CHD7: variants seen among roughly 807,000 people sequenced by gnomAD.
CHD7 encodes the protein chromodomain helicase DNA binding protein 7.
Under a neutral mutation model 307.3 loss-of-function variants are expected in CHD7, and 24 were observed. The ratio of observed to expected loss-of-function variants is 0.08; its 90% CI spans 0.06 to 0.11. The LOEUF (loss-of-function observed/expected upper bound fraction) is 0.11. Among genes scored for constraint, CHD7 ranks in the 10% least tolerant of loss-of-function variants. CHD7 has a pLI of 1.00. For missense variants in CHD7, 3,106 were observed against 3,727.1 expected, an observed-to-expected ratio of 0.83 and a Z score of 4.34; for synonymous variants, 1,363 against 1,349.9, an observed-to-expected ratio of 1.01 and a Z score of -0.21.
Position 60,742,246 on chromosome 8 carries a change from A to C in CHD7, c.814A>C (p.Ser272Arg). 6.2e-7 allele frequency: 1 copy of C among 1,613,870 alleles called. No homozygotes were observed. The highest frequency in any genetic ancestry group is 8.5e-7 in the Non-Finnish European group (1 of 1,179,856). Residue 272 changes from serine to arginine, a missense_variant, in exon 2 of 38, where the codon AGT (serine) becomes CGT (arginine). By Grantham distance (110) the Ser-to-Arg change is moderately radical. Around this residue, in one of 10 missense-constraint regions of CHD7, gnomAD observed 998 missense variants for 1,004.5 expected, o/e 0.99. Coordinates refer to ENST00000423902, the MANE Select transcript of CHD7 (RefSeq NM_017780.4). ...TCTCCATGGAGAATCCGTTGCCCAC[A>C]GTCCCAGATTCTCCCCGAATCCTCC... The part of the protein sequence containing the change: ...TALHGESVAH[S>R]PRFSPNPPQQ...
In CHD7 at chr8:60,856,835, G is replaced by A. The variant is rs1805740809; in HGVS notation, c.7555G>A (p.Val2519Met). Residue 2519 changes from valine to methionine, a missense_variant, in exon 34 of 38, where the codon GTG becomes ATG. This residue lies in a region of CHD7 where 1,030 missense variants were observed against 1,165.4 expected (regional missense o/e 0.88). Transcript: ENST00000423902. ...GAGGAGGCGGGGAAGGAGGAAAAAT[G>A]TGGAGGGACTTGATCTGCTTTTCAT... ...MKRRRGRRKNVEGLDLLFMSH... is the reference protein window; with the variant it reads ...MKRRRGRRKNMEGLDLLFMSH... 6.3e-7 allele frequency: 1 copy of A among 1,592,564 alleles called. No homozygotes were observed. Among genetic ancestry groups the A allele is most frequent in the East Asian group, 2.2e-5 (1 of 44,636 alleles).
At position 60,852,860 on chromosome 8, in the gene CHD7, G is replaced by A. The variant is rs6999971; in HGVS notation, c.6135G>A (p.Pro2045=). ...CCGACCTCTCCTCCATAATTGAGCC[G>A]ATCACAGAGGAGCGAGCCTCTCGAA... The part of the protein sequence containing the change: ...EPPDLSSIIE[P]ITEERASRTL... The change falls in exon 31 of 38, where the codon CCG becomes CCA. Residue 2045 remains proline, a synonymous_variant. Coordinates refer to ENST00000423902, the MANE Select transcript of CHD7 (RefSeq NM_017780.4). The A allele has an allele frequency of 0.037, 59,873 of 1,613,438 alleles. 1,318 individuals are homozygous for A. The highest frequency in any genetic ancestry group is 0.058 in the Middle Eastern group (353 of 6,062).
chr8:60,805,241 A>G (rs747889915), intron 6 of CHD7, among the ~76,000 whole-genome samples: 2 of 152,168 alleles, frequency 1.3e-5, no homozygotes, highest in African/African-American at 2.4e-5. Context: ...CTTTTGTTCA[A>G]TTGTTTTACT....
intron 2 of CHD7, among the ~76,000 whole-genome samples, chr8:60,762,598 T>C (rs1344582975): frequency 6.6e-6 from 1 of 152,196 alleles, no homozygotes; most frequent in African/African-American, 2.4e-5. Flanking sequence ...GTGCTTAGAA[T>C]TGTGCTTGGT....
Position 60,862,628 on chromosome 8 carries a change from C to G in CHD7, c.8052C>G (p.Asp2684Glu), listed in dbSNP as rs1179524910. Residue 2684 changes from aspartate to glutamate, a missense_variant, in exon 37 of 38, where the codon GAC (aspartate) becomes GAG (glutamate). Coordinates refer to ENST00000423902, the MANE Select transcript of CHD7 (RefSeq NM_017780.4). ...ATCCTGAATTTGCAGTTGCTCCAGA[C>G]TGGACTGATATAGTTAAGCAGTCTG... ...EENPEFAVAPDWTDIVKQSGF... is the reference protein window; with the variant it reads ...EENPEFAVAPEWTDIVKQSGF... The G allele has an allele frequency of 1.6e-5, 25 of 1,567,518 alleles. No individual in the cohort carries two copies. Among genetic ancestry groups the G allele is most frequent in the Non-Finnish European group, 2.1e-5 (24 of 1,154,976 alleles).
rs546543757 is a variant in CHD7, at chr8:60,836,296, A to G, written c.3989+13A>G. On this transcript the variant is annotated intron_variant, in intron 16 of 37. Transcript: ENST00000423902. Reference sequence around the variant, plus strand: ...TCATTCAAAGACGGTGAGGACCACCATATCAGAATAATAAAAAGGAAATCT... The same window carrying G: ...TCATTCAAAGACGGTGAGGACCACCGTATCAGAATAATAAAAAGGAAATCT... 6 of 1,605,200 alleles carry G rather than the reference A, an allele frequency of 3.7e-6. No individual in the cohort carries two copies. The highest frequency in any genetic ancestry group is 2.2e-5 in the East Asian group (1 of 44,744).
At chr8:60,700,065 C>T (rs1049385095) in intron 1 of CHD7, among the ~76,000 whole-genome samples, 6 of 152,116 alleles carry the variant, frequency 3.9e-5, no homozygotes, top group South Asian at 4.2e-4. Flanking sequence ...CTCGAACTCC[C>T]GACCTCAGGT....
intron 1 of CHD7, among the ~76,000 whole-genome samples, chr8:60,725,710 T>A (rs1808127740): frequency 6.6e-6 from 1 of 152,256 alleles, no homozygotes; most frequent in East Asian, 1.9e-4. Flanking sequence ...GAGCTTATAT[T>A]GTTGGTGATT....
intron 2 of CHD7, among the ~76,000 whole-genome samples, chr8:60,763,788 C>A (rs1018407497): frequency 6.6e-6 from 1 of 152,074 alleles, no homozygotes; most frequent in Non-Finnish European, 1.5e-5. Flanking sequence ...CCACCACTCA[C>A]TTGGACATCC....
intron 3 of CHD7, among the ~76,000 whole-genome samples, chr8:60,783,800 G>T (rs1257286800): frequency 6.6e-6 from 1 of 152,158 alleles, no homozygotes; most frequent in Non-Finnish European, 1.5e-5. Flanking sequence ...AAGAGTGTTG[G>T]TGGCACCTCT....
At position 60,865,319 on chromosome 8, in the gene CHD7, G is replaced by T. The variant is rs780726083; in HGVS notation, c.8380G>T (p.Ala2794Ser). The change falls in exon 38 of 38, where the codon GCT becomes TCT. Residue 2794 changes from alanine (A) to serine (S), a missense_variant. By Grantham distance (99) the Ala-to-Ser change is moderately conservative. Coordinates refer to ENST00000423902, the MANE Select transcript of CHD7 (RefSeq NM_017780.4). The surrounding 1 kb of genome is among the most constrained non-coding windows in gnomAD (Gnocchi z 4.3). ...TAGGDAKNPA[A>S]VLPLMLPGMA... Reference sequence around the variant, plus strand: ...CGGAGGCGATGCGAAGAACCCTGCTGCTGTGCTGCCCCTGATGCTGCCAGG... The same window carrying T: ...CGGAGGCGATGCGAAGAACCCTGCTTCTGTGCTGCCCCTGATGCTGCCAGG... The T allele has an allele frequency of 1.2e-6, 2 of 1,611,916 alleles. No homozygotes were observed. Among genetic ancestry groups the T allele is most frequent in the Non-Finnish European group, 8.5e-7 (1 of 1,179,194 alleles).
chr8:60,696,187 CTT>C (rs1806457233), intron 1 of CHD7, among the ~76,000 whole-genome samples: 6 of 152,132 alleles, frequency 3.9e-5, no homozygotes, highest in Admixed American at 3.9e-4. Flanking sequence ...TAAATTTTTA[CTT>C]TTTAATTTTT....
rs539809651 is a variant in CHD7 at position 60,864,956 on chromosome 8, T to C, written c.8077-60T>C. On this transcript the variant is annotated intron_variant, in intron 37 of 37. Transcript: ENST00000423902. ...GGCAGGTTCACCACAGAGGCTCACA[T>C]TGAGATCAAGTTGTCTTCGACAGCC... The C allele has an allele frequency of 9.3e-4, 1,385 of 1,487,910 alleles. 2 individuals carry two copies. Among genetic ancestry groups the C allele is most frequent in the Non-Finnish European group, 1.2e-3 (1,285 of 1,096,994 alleles). The allele number at this position is 1,487,910 out of a possible 1,614,324, so 92.2% of individuals were successfully genotyped here.
Position 60,862,583 on chromosome 8 carries a change from AC to A in CHD7, c.8010del (p.Arg2671GlyfsTer18). The A allele has an allele frequency of 6.3e-7, 1 of 1,578,598 alleles. No homozygotes were observed. Among genetic ancestry groups the A allele is most frequent in the Non-Finnish European group, 8.6e-7 (1 of 1,160,986 alleles). On this transcript the variant is annotated frameshift_variant, in exon 37 of 38. Coordinates refer to ENST00000423902, the MANE Select transcript of CHD7 (RefSeq NM_017780.4). LOFTEE classifies it high-confidence loss of function. ...GAMAPPMKDL[P>X]RWLEENPEFA... ...CTATGGCGCCTCCAATGAAGGATCTACCCAGGTGGCTGGAAGAAAATCCTGA... is the reference window on the plus strand; with the variant it reads ...CTATGGCGCCTCCAATGAAGGATCTACCAGGTGGCTGGAAGAAAATCCTGA...
At chr8:60,778,295 C>A (rs931214771) in intron 2 of CHD7, among the ~76,000 whole-genome samples, 1 of 152,148 alleles carries the variant, frequency 6.6e-6, no homozygotes, top group Non-Finnish European at 1.5e-5. Flanking sequence ...CTTTTTCACC[C>A]TATTTCAGAT....
chr8:60,816,783 TTAAG>T (rs1398493740), intron 8 of CHD7, among the ~76,000 whole-genome samples: 1 of 152,150 alleles, frequency 6.6e-6, no homozygotes, highest in African/African-American at 2.4e-5. Flanking sequence ...GATGATGAAA[TTAAG>T]TAAGTGGACA....
chr8:60,681,465 G>T (rs1805624185), intron 1 of CHD7, among the ~76,000 whole-genome samples: 1 of 152,098 alleles, frequency 6.6e-6, no homozygotes, highest in Non-Finnish European at 1.5e-5. Flanking sequence ...AGTAGGACTT[G>T]GTTTGCCTTT....
At chr8:60,769,760 CTG>C (rs1810628742) in intron 2 of CHD7, among the ~76,000 whole-genome samples, 1 of 152,136 alleles carries the variant, frequency 6.6e-6, no homozygotes, top group East Asian at 1.9e-4. Context: ...GATTCTAATA[CTG>C]TGACTTCAGT....
At chr8:60,818,699 G>A (rs4237038) in intron 8 of CHD7, among the ~76,000 whole-genome samples, 110,384 of 152,158 alleles carry the variant, frequency 0.73, 40,998 homozygotes, top group East Asian at 0.93. Context: ...CCAACTGGGT[G>A]TTTTAAGAGG....
Sources: allele counts gnomAD v4.1 joint callset (sites outside exome capture counted in the v4.1 genomes callset), GRCh38; gene constraint gnomAD v4.1.1; regional missense constraint gnomAD v4.1.1; non-coding constraint Gnocchi (gnomAD v3.1); transcripts MANE v1.5; gene names NCBI Gene and HGNC (gene_info 2026-07-23, HGNC 2026-07-21).